PTPRC: variants seen among roughly 807,000 people sequenced by gnomAD.
PTPRC encodes the protein protein tyrosine phosphatase receptor type C.
A neutral mutation model predicts 155.9 loss-of-function variants in PTPRC; 44 were observed. That is an observed-to-expected ratio of 0.28 (90% confidence interval 0.22 to 0.36). The LOEUF is 0.36. Among genes scored for constraint, PTPRC ranks in the 10% least tolerant of loss-of-function variants. The pLI, the probability that PTPRC is intolerant of heterozygous loss-of-function variation, is 1.00. For synonymous variants in PTPRC, 525 were observed against 533.1 expected (o/e 0.98, Z 0.21); for missense variants, 1,401 against 1,564.6 (o/e 0.90, Z 1.76).
At chr1:198,722,587 T>C in intron 15 of PTPRC, 111 bp downstream of exon 15, 1 of 502,660 alleles carries the variant, frequency 2.0e-6, no homozygotes, top group Non-Finnish European at 2.9e-6. Context: ...GCTTAAATAA[T>C]ATCTCTTCCG....
chr1:198,666,761 G>C (rs1664334824), intron 2 of PTPRC, among the ~76,000 whole-genome samples: 1 of 152,112 alleles, frequency 6.6e-6, no homozygotes, highest in South Asian at 2.1e-4. Context: ...TATTAAAATA[G>C]ATTCCTTTTC....
At chr1:198,753,507 A>G (rs542464245) in intron 31 of PTPRC, among the ~76,000 whole-genome samples, 1 of 152,164 alleles carries the variant, frequency 6.6e-6, no homozygotes, top group South Asian at 2.1e-4. Context: ...GGAATTTTTG[A>G]AAAAGTCTAA....
intron 2 of PTPRC, among the ~76,000 whole-genome samples, chr1:198,661,336 A>G (rs937756816): frequency 8.0e-5 from 12 of 149,960 alleles, no homozygotes; most frequent in African/African-American, 2.9e-4. Context: ...ATAATAAATC[A>G]ATATATTAAT....
At chr1:198,673,937 A>G (rs1264617801) in intron 2 of PTPRC, among the ~76,000 whole-genome samples, 2 of 152,240 alleles carry the variant, frequency 1.3e-5, no homozygotes, top group African/African-American at 4.8e-5. Flanking sequence ...GATTTTTGCC[A>G]TATGGATGAA....
chr1:198,676,316 T>C (rs563741875), intron 2 of PTPRC, among the ~76,000 whole-genome samples: 4 of 152,322 alleles, frequency 2.6e-5, no homozygotes, highest in South Asian at 2.1e-4. Context: ...ACAGGAGGAA[T>C]AGTAAATTGA....
At chr1:198,707,975 G>T (rs1428081105) in intron 9 of PTPRC, among the ~76,000 whole-genome samples, 158 bp from the exon 10 acceptor site, 1 of 152,120 alleles carries the variant, frequency 6.6e-6, no homozygotes, top group East Asian at 1.9e-4. Flanking sequence ...CAAATCCCTA[G>T]AGTTATTAGA....
intron 2 of PTPRC, among the ~76,000 whole-genome samples, chr1:198,665,540 T>C (rs1664241700): frequency 6.6e-6 from 1 of 152,102 alleles, no homozygotes; most frequent in African/African-American, 2.4e-5. Flanking sequence ...AGTTTTGCAA[T>C]GGCAGGTCCC....
intron 14 of PTPRC, among the ~76,000 whole-genome samples, chr1:198,721,023 G>GA (rs1237518585): frequency 6.6e-6 from 1 of 152,104 alleles, no homozygotes; most frequent in Non-Finnish European, 1.5e-5. Context: ...AGTTACTATG[G>GA]AAAAATATAG....
intron 2 of PTPRC, among the ~76,000 whole-genome samples, chr1:198,657,295 T>C (rs1262740041): frequency 6.6e-6 from 1 of 152,042 alleles, no homozygotes; most frequent in African/African-American, 2.4e-5. Context: ...TTATTGAATA[T>C]TATCATCAGA....
intron 2 of PTPRC, among the ~76,000 whole-genome samples, chr1:198,644,660 C>A (rs1241076429): frequency 6.6e-6 from 1 of 151,740 alleles, no homozygotes; most frequent in Non-Finnish European, 1.5e-5. Context: ...CCTACTCTTT[C>A]ATCTAGGACA....
intron 12 of PTPRC, among the ~76,000 whole-genome samples, chr1:198,713,520 C>T (rs982223151): frequency 2.0e-5 from 3 of 151,782 alleles, no homozygotes; most frequent in African/African-American, 7.3e-5. Flanking sequence ...CCCATGTAGC[C>T]GCTGGGGCCA....
chr1:198,666,893 AT>A lies in PTPRC; in HGVS notation c.74-25453del, dbSNP rs1023860956. 3.7e-4 allele frequency: 56 copies of A among 152,350 alleles called. 1 individual carries two copies. Among genetic ancestry groups the A allele is most frequent in the African/African-American group, 1.3e-3 (55 of 41,570 alleles). The allele number at this position is 152,350 out of a possible 1,614,324, so 9.4% of individuals were successfully genotyped here. A position where few individuals can be genotyped will look rare whatever the true frequency, so the allele number is the denominator to read the frequency against. ...GTATTCAGCTATCAAACAAAATAAA[AT>A]GTGATCACTAGTGGTTCAAATACAT... is the stretch of plus-strand genomic sequence containing the variant. On this transcript the variant is annotated intron_variant, in intron 2 of 32. Coordinates refer to ENST00000442510, the MANE Select transcript of PTPRC (RefSeq NM_002838.5).
intron 2 of PTPRC, among the ~76,000 whole-genome samples, chr1:198,639,659 A>G (rs1477369334): frequency 6.6e-6 from 1 of 152,110 alleles, no homozygotes; most frequent in African/African-American, 2.4e-5. Flanking sequence ...TGACAATAAC[A>G]CACATTTATA....
At chr1:198,734,138 TG>T (rs1431955462) in intron 20 of PTPRC, 57 bp from the exon 21 acceptor site, 1 of 1,535,364 alleles carries the variant, frequency 6.5e-7, no homozygotes, top group East Asian at 2.3e-5. Context: ...CAATTTTTCC[TG>T]TTAATGAGTA....
intron 2 of PTPRC, among the ~76,000 whole-genome samples, chr1:198,691,072 T>C (rs986167416): frequency 2.6e-5 from 4 of 152,120 alleles, no homozygotes; most frequent in Non-Finnish European, 5.9e-5. Context: ...TTGGAAAATT[T>C]GATTACCTAT....
At chr1:198,705,904 CA>C (rs771045209) in intron 8 of PTPRC, among the ~76,000 whole-genome samples, 5 of 152,270 alleles carry the variant, frequency 3.3e-5, no homozygotes. Context: ...CCTATACCTC[CA>C]AATGGAACAG....
intron 31 of PTPRC, among the ~76,000 whole-genome samples, chr1:198,754,032 A>G (rs1655506845): frequency 1.3e-5 from 2 of 152,088 alleles, no homozygotes; most frequent in South Asian, 4.1e-4. Context: ...AAGAAAATAT[A>G]TTTGTAAAGT....
chr1:198,704,069 T>C (rs1666604297), intron 7 of PTPRC, among the ~76,000 whole-genome samples: 1 of 152,200 alleles, frequency 6.6e-6, no homozygotes, highest in African/African-American at 2.4e-5. Flanking sequence ...CTGACTTTTT[T>C]TTATGTAAAT....
intron 2 of PTPRC, among the ~76,000 whole-genome samples, chr1:198,646,178 C>G (rs550139740): frequency 2.6e-4 from 39 of 151,826 alleles, no homozygotes; most frequent in African/African-American, 8.7e-4. Flanking sequence ...TATATATTAC[C>G]TAGTGAAATC....
Sources: gnomAD v4.1 joint callset for allele counts (sites outside exome capture counted in the v4.1 genomes callset) on GRCh38, gnomAD v4.1.1 for gene constraint, MANE v1.5 for transcripts, NCBI Gene and HGNC (gene_info 2026-07-23, HGNC 2026-07-21) for gene names.